RHOJ: variants seen among roughly 807,000 people sequenced by gnomAD.
RHOJ encodes the protein rho-related GTP-binding protein RhoJ.
In RHOJ, 11 loss-of-function variants were observed where a neutral mutation model predicts 23.4. That is an observed-to-expected ratio of 0.47 (90% CI 0.30 to 0.78). The LOEUF is 0.78. Among genes scored for constraint, RHOJ ranks in the 30% least tolerant of loss-of-function variants. RHOJ has a pLI of 0.08. For synonymous variants in RHOJ, 102 were observed against 102.7 expected (o/e 0.99, Z 0.04); for missense variants, 254 against 273.4 (o/e 0.93, Z 0.50).
At chr14:63,277,739 C>T (rs1414877010) in intron 2 of RHOJ, among the ~76,000 whole-genome samples, 7 of 152,080 alleles carry the variant, frequency 4.6e-5, no homozygotes, top group Non-Finnish European at 1.5e-5. Context: ...CATGCAGTGG[C>T]AGAGGGCAGG....
At chr14:63,212,194 G>A (rs61996641) in intron 1 of RHOJ, among the ~76,000 whole-genome samples, 2,601 of 152,250 alleles carry the variant, frequency 0.017, 34 homozygotes, top group Middle Eastern at 0.027. Flanking sequence ...GCCTGGAAGT[G>A]ACAAACATCG....
At chr14:63,247,575 C>T (rs1278467876) in intron 1 of RHOJ, among the ~76,000 whole-genome samples, 2 of 152,088 alleles carry the variant, frequency 1.3e-5, no homozygotes, top group Non-Finnish European at 2.9e-5. Flanking sequence ...CAAATGCAAA[C>T]TATCCTTATT....
chr14:63,216,548 C>A (rs181773037), intron 1 of RHOJ, among the ~76,000 whole-genome samples: 1 of 152,180 alleles, frequency 6.6e-6, no homozygotes, highest in Non-Finnish European at 1.5e-5. Context: ...AGGAGGAAAA[C>A]AAGGCTATGC....
intron 1 of RHOJ, 58 bp downstream of exon 1, chr14:63,205,105 T>G (rs560714303): frequency 6.4e-7 from 1 of 1,555,882 alleles, no homozygotes; most frequent in South Asian, 1.2e-5. Context: ...GGCGAGACCC[T>G]AAGTTCAGAG....
chr14:63,267,244 GA>G (rs2139653392), intron 1 of RHOJ, among the ~76,000 whole-genome samples: 1 of 152,340 alleles, frequency 6.6e-6, no homozygotes, highest in East Asian at 1.9e-4. Flanking sequence ...TGCCATAGGA[GA>G]AAAGGGTGAG....
rs1882275839 is a variant in RHOJ, at chr14:63,292,238, A to G, written c.*1214A>G. 6.6e-6 allele frequency: 1 copy of G among 151,980 alleles called. No individual in the cohort carries two copies. The highest frequency in any genetic ancestry group is 2.4e-5 in the African/African-American group (1 of 41,384). 9.4% of individuals were successfully genotyped at this position (151,980 alleles called of 1,614,324 possible). A position where few individuals can be genotyped will look rare whatever the true frequency, so the allele number is the denominator to read the frequency against. Reference sequence around the variant, plus strand: ...TCTCTTTCCTTACTCATCCTCCCAAATGTCTTTGTGGGAGCCATATCAGTG... The same window carrying G: ...TCTCTTTCCTTACTCATCCTCCCAAGTGTCTTTGTGGGAGCCATATCAGTG... On this transcript the variant is annotated 3_prime_UTR_variant, in exon 5 of 5. Transcript: ENST00000316754.
chr14:63,235,336 G>A (rs1208505449), intron 1 of RHOJ, among the ~76,000 whole-genome samples: 2 of 152,084 alleles, frequency 1.3e-5, no homozygotes, highest in African/African-American at 4.8e-5. Flanking sequence ...AAGTCATTTT[G>A]TAGGCAATTA....
intron 1 of RHOJ, among the ~76,000 whole-genome samples, chr14:63,213,767 C>G (rs1223029016): frequency 6.6e-6 from 1 of 152,026 alleles, no homozygotes; most frequent in Admixed American, 6.6e-5. Flanking sequence ...CTACTTTTTT[C>G]CATCTTGGTA....
chr14:63,217,780 C>T (rs987621926), intron 1 of RHOJ, among the ~76,000 whole-genome samples: 4 of 152,138 alleles, frequency 2.6e-5, no homozygotes, highest in Admixed American at 1.3e-4. Flanking sequence ...AAAACTTTCC[C>T]GCTTTTTTAA....
chr14:63,212,551 T>A (rs1328978652), intron 1 of RHOJ, among the ~76,000 whole-genome samples: 1 of 152,190 alleles, frequency 6.6e-6, no homozygotes, highest in Non-Finnish European at 1.5e-5. Flanking sequence ...TCTACCCATA[T>A]ACACAATTTG....
chr14:63,257,529 G>C (rs1410266425), intron 1 of RHOJ, among the ~76,000 whole-genome samples: 1 of 150,218 alleles, frequency 6.7e-6, no homozygotes, highest in Non-Finnish European at 1.5e-5. Context: ...GAAGCTGTGA[G>C]CCAGGCCCGA....
intron 1 of RHOJ, among the ~76,000 whole-genome samples, chr14:63,250,755 T>C (rs964241139): frequency 2.6e-5 from 4 of 152,170 alleles, no homozygotes; most frequent in African/African-American, 9.7e-5. Flanking sequence ...CTCTAGAGGC[T>C]GGGTGCGGTG....
intron 1 of RHOJ, among the ~76,000 whole-genome samples, chr14:63,248,396 G>GA (rs1895013148): frequency 6.6e-6 from 1 of 151,994 alleles, no homozygotes; most frequent in South Asian, 2.1e-4. Context: ...CAGTGTTATG[G>GA]AAAAAAGAAT....
intron 1 of RHOJ, among the ~76,000 whole-genome samples, chr14:63,224,348 C>G (rs987552933): frequency 6.6e-6 from 1 of 152,158 alleles, no homozygotes; most frequent in Admixed American, 6.5e-5. Flanking sequence ...GGGCTCAGAA[C>G]TGGAGGTCTC....
At chr14:63,248,582 T>C (rs528817177) in intron 1 of RHOJ, among the ~76,000 whole-genome samples, 1 of 152,354 alleles carries the variant, frequency 6.6e-6, no homozygotes, top group South Asian at 2.1e-4. Flanking sequence ...AATGGTCTTT[T>C]CTTCTGCAAT....
At chr14:63,227,748 G>A (rs1894621757) in intron 1 of RHOJ, among the ~76,000 whole-genome samples, 1 of 152,212 alleles carries the variant, frequency 6.6e-6, no homozygotes, top group Non-Finnish European at 1.5e-5. Context: ...CTTTGAGACT[G>A]CTGGATCTGA....
intron 2 of RHOJ, among the ~76,000 whole-genome samples, chr14:63,273,453 C>A (rs979983123): frequency 6.6e-6 from 1 of 152,208 alleles, no homozygotes; most frequent in African/African-American, 2.4e-5. Flanking sequence ...GATGTCCTTG[C>A]AGGCCAGTTT....
intron 1 of RHOJ, among the ~76,000 whole-genome samples, chr14:63,210,293 T>C (rs1051848456): frequency 1.3e-5 from 2 of 152,196 alleles, no homozygotes; most frequent in Non-Finnish European, 2.9e-5. Context: ...GTGGCCAGTG[T>C]CACATCTACT....
At chr14:63,237,389 C>CA (rs1158928415) in intron 1 of RHOJ, among the ~76,000 whole-genome samples, 1 of 151,982 alleles carries the variant, frequency 6.6e-6, no homozygotes, top group East Asian at 1.9e-4. Flanking sequence ...CTTTAGTTTC[C>CA]AAAGTACTCT....
Sources: allele counts gnomAD v4.1 joint callset (sites outside exome capture counted in the v4.1 genomes callset), GRCh38; gene constraint gnomAD v4.1.1; transcripts MANE v1.5; gene names NCBI Gene and HGNC (gene_info 2026-07-23, HGNC 2026-07-21).